GLRB: variants seen among roughly 807,000 people sequenced by gnomAD.
The protein encoded by GLRB is glycine receptor subunit beta.
A neutral mutation model predicts 54.2 loss-of-function variants in GLRB; 33 were observed. The observed-to-expected ratio is 0.61, with a 90% CI of 0.46 to 0.81. The LOEUF (loss-of-function observed/expected upper bound fraction) is 0.81. Ranked by LOEUF, GLRB falls within the 40% of genes least tolerant of loss-of-function variation. GLRB has a pLI of 0.00. For synonymous variants in GLRB, 209 were observed against 208.2 expected (o/e 1.00, Z -0.03); for missense variants, 572 against 584.6 (o/e 0.98, Z 0.22).
At chr4:157,098,452 T>A (rs947938513) in intron 2 of GLRB, among the ~76,000 whole-genome samples, 6 of 152,008 alleles carry the variant, frequency 3.9e-5, no homozygotes, top group Admixed American at 3.9e-4. Flanking sequence ...AATAAATGAG[T>A]CTGGAAGGAA....
intron 2 of GLRB, among the ~76,000 whole-genome samples, chr4:157,093,654 C>T (rs933191752): frequency 2.0e-5 from 3 of 149,394 alleles, no homozygotes; most frequent in African/African-American, 7.4e-5. Flanking sequence ...ACTTGGGAGG[C>T]TGAGGCAGAA....
intron 9 of GLRB, among the ~76,000 whole-genome samples, chr4:157,163,829 A>AGTGTGTGTGTGT (rs3054934): frequency 0.018 from 2,594 of 146,354 alleles, 64 homozygotes; most frequent in East Asian, 0.11. Context: ...TGTCTGTGTG[A>AGTGTGTGTGTGT]GTGTGTGTGT....
chr4:157,078,175 A>G (rs1325395956), intron 2 of GLRB, 29 bp downstream of exon 2: 44 of 1,609,942 alleles, frequency 2.7e-5, no homozygotes, highest in Non-Finnish European at 3.7e-5. Context: ...ATATTCTTAT[A>G]TGGAGAAATG....
At chr4:157,167,953 G>A (rs11935173) in intron 9 of GLRB, among the ~76,000 whole-genome samples, 3,626 of 152,124 alleles carry the variant, frequency 0.024, 56 homozygotes, top group African/African-American at 0.045. Flanking sequence ...CTAACAGAGG[G>A]ACAACTCATT....
Position 157,172,055 on chromosome 4 carries a change from C to T in GLRB, c.*1327C>T, listed in dbSNP as rs1447801110. 6.6e-6 allele frequency: 1 copy of T among 151,782 alleles called. No homozygotes were observed. Among genetic ancestry groups the T allele is most frequent in the African/African-American group, 2.4e-5 (1 of 41,398 alleles). The allele number at this position is 151,782 out of a possible 1,614,324, so 9.4% of individuals were successfully genotyped here. On this transcript the variant is annotated 3_prime_UTR_variant, in exon 10 of 10. Transcript: ENST00000264428. ...TTGTTGCAGCTACGAGTTTGTATGGCAAATTCAATAATAAAGTATTGTTTA... is the reference window on the plus strand; with the variant it reads ...TTGTTGCAGCTACGAGTTTGTATGGTAAATTCAATAATAAAGTATTGTTTA...
chr4:157,147,671 G>C (rs1736863473), intron 8 of GLRB, among the ~76,000 whole-genome samples: 1 of 152,188 alleles, frequency 6.6e-6, no homozygotes, highest in South Asian at 2.1e-4. Context: ...GATGGAAAAA[G>C]TGCAGGAGCA....
intron 2 of GLRB, 119 bp downstream of exon 2, chr4:157,078,265 T>G: frequency 1.3e-6 from 2 of 1,519,844 alleles, no homozygotes; most frequent in Non-Finnish European, 1.8e-6. Flanking sequence ...TGTATATCCA[T>G]CTGTTACAGA....
intron 8 of GLRB, among the ~76,000 whole-genome samples, chr4:157,147,228 T>A (rs1736846399): frequency 6.6e-6 from 1 of 152,182 alleles, no homozygotes; most frequent in African/African-American, 2.4e-5. Flanking sequence ...AGCAGAGAAA[T>A]CTAAGAGGGA....
chr4:157,166,762 TTA>T (rs1737725658), intron 9 of GLRB, among the ~76,000 whole-genome samples: 1 of 152,086 alleles, frequency 6.6e-6, no homozygotes, highest in Admixed American at 6.6e-5. Context: ...CTTTGTAATG[TTA>T]TGGCTTCAAC....
At chr4:157,079,744 G>A (rs965644852) in intron 2 of GLRB, among the ~76,000 whole-genome samples, 31 of 152,160 alleles carry the variant, frequency 2.0e-4, no homozygotes, top group Non-Finnish European at 7.4e-5. Flanking sequence ...CCACAAGCTG[G>A]AGATTAGCAT....
chr4:157,147,307 T>A (rs1227165509), intron 8 of GLRB, among the ~76,000 whole-genome samples: 1 of 152,106 alleles, frequency 6.6e-6, no homozygotes, highest in Non-Finnish European at 1.5e-5. Context: ...TATTTCTAGG[T>A]CAAGAAAGTG....
chr4:157,092,914 G>C (rs979592890), intron 2 of GLRB, among the ~76,000 whole-genome samples: 3 of 152,158 alleles, frequency 2.0e-5, no homozygotes, highest in Non-Finnish European at 4.4e-5. Flanking sequence ...ACAAAAGGTA[G>C]TAAAATGGCT....
chr4:157,076,821 C>T (rs1255031718), intron 1 of GLRB, among the ~76,000 whole-genome samples: 1 of 151,668 alleles, frequency 6.6e-6, no homozygotes, highest in African/African-American at 2.4e-5. Flanking sequence ...AAGGGAGCGT[C>T]CAATGTTGTG....
intron 2 of GLRB, chr4:157,078,422 A>AT (rs1036093288): frequency 2.3e-5 from 4 of 170,748 alleles, no homozygotes; most frequent in East Asian, 1.9e-4. Flanking sequence ...AAAAGTCACT[A>AT]TTTTTTTCTT....
Position 157,170,468 on chromosome 4 carries a change from A to C in GLRB, c.1234A>C (p.Lys412Gln). 3 of 1,608,490 alleles carry C rather than the reference A, an allele frequency of 1.9e-6. No homozygotes were observed. The highest frequency in any genetic ancestry group is 1.7e-6 in the Non-Finnish European group (2 of 1,175,130). Residue 412 changes from lysine to glutamine, a missense_variant, in exon 10 of 10, where the codon AAG becomes CAG. Lys to Gln is a moderately conservative substitution (Grantham distance 53, BLOSUM62 1). Coordinates refer to ENST00000264428, the MANE Select transcript of GLRB (RefSeq NM_000824.5). ...CAGATGCAAAAAAGTTTGTACTTCT[A>C]AGTCTGATCTGAGATCTAATGACTT... ...ETRCKKVCTS[K>Q]SDLRSNDFSI...
At chr4:157,117,733 T>C (rs1468624766) in intron 2 of GLRB, among the ~76,000 whole-genome samples, 5 of 151,658 alleles carry the variant, frequency 3.3e-5, no homozygotes, top group Non-Finnish European at 7.4e-5. Flanking sequence ...CTAGAAGAGA[T>C]GGCAGATTGG....
intron 2 of GLRB, 28 bp downstream of exon 2, chr4:157,078,174 T>C (rs776446071): frequency 2.4e-5 from 38 of 1,609,936 alleles, no homozygotes; most frequent in Non-Finnish European, 3.2e-5. Context: ...TATATTCTTA[T>C]ATGGAGAAAT....
chr4:157,150,959 A>G (rs1320767626), intron 8 of GLRB, among the ~76,000 whole-genome samples: 1 of 152,006 alleles, frequency 6.6e-6, no homozygotes, highest in Non-Finnish European at 1.5e-5. Context: ...TGATAATGTA[A>G]TTTCTCTTTC....
At chr4:157,155,811 G>C (rs560076172) in intron 9 of GLRB, among the ~76,000 whole-genome samples, 178 of 152,202 alleles carry the variant, frequency 1.2e-3, no homozygotes, top group African/African-American at 4.2e-3. Flanking sequence ...TTCTCAGCTT[G>C]TTGAAAATAT....
Sources: gnomAD v4.1 joint callset for allele counts (sites outside exome capture counted in the v4.1 genomes callset) on GRCh38, gnomAD v4.1.1 for gene constraint, MANE v1.5 for transcripts, NCBI Gene and HGNC (gene_info 2026-07-23, HGNC 2026-07-21) for gene names.